IFFO2: variants seen among roughly 807,000 people sequenced by gnomAD.
IFFO2 encodes the protein intermediate filament family orphan 2.
A neutral mutation model predicts 53.5 loss-of-function variants in IFFO2; 19 were observed. That is an observed-to-expected ratio of 0.36 (90% CI 0.25 to 0.52). The LOEUF (loss-of-function observed/expected upper bound fraction) is 0.52, where lower values mean the gene tolerates loss of function less well. Among genes scored for constraint, IFFO2 ranks in the 20% least tolerant of loss-of-function variants. The pLI, the probability that IFFO2 is intolerant of heterozygous loss-of-function variation, is 0.94. For missense variants in IFFO2, 570 were observed against 727.4 expected (o/e 0.78, Z 2.49); for synonymous variants, 303 against 313.6 (o/e 0.97, Z 0.36).
At chr1:18,927,432 C>T (rs1020705650) in intron 1 of IFFO2, among the ~76,000 whole-genome samples, 5 of 152,218 alleles carry the variant, frequency 3.3e-5, no homozygotes, top group African/African-American at 9.6e-5. Flanking sequence ...GCTTCCTTCC[C>T]GGCGGGTGGA....
intron 1 of IFFO2, among the ~76,000 whole-genome samples, chr1:18,949,151 C>T (rs1164028312): frequency 6.6e-6 from 1 of 152,236 alleles, no homozygotes; most frequent in Non-Finnish European, 1.5e-5. Flanking sequence ...TCTGTGTTGT[C>T]CGTCTTCTGT....
chr1:18,908,178 C>T lies in IFFO2; in HGVS notation c.*383G>A, dbSNP rs975427901. ...GGCAGAAACCACATTACACCACGGC[C>T]GGTTGGCCCGGCCCTCAGCTTAGAG... On this transcript the variant is annotated 3_prime_UTR_variant, in exon 9 of 9. Transcript: ENST00000455833. 1.3e-5 allele frequency: 3 copies of T among 230,570 alleles called. No homozygotes were observed. The highest frequency in any genetic ancestry group is 2.7e-5 in the Non-Finnish European group (3 of 112,454). The allele number at this position is 230,570 out of a possible 1,614,324, so 14.3% of individuals were successfully genotyped here. A position where few individuals can be genotyped will look rare whatever the true frequency, so the allele number is the denominator to read the frequency against.
At position 18,919,804 on chromosome 1, in the gene IFFO2, G is replaced by A. The variant is rs749955252; in HGVS notation, c.727-31C>T. Reference sequence around the variant, plus strand: ...GGGACGGAGATGGGGAGGCTTCAGAGGGGCCGGGTCCTCTGGGGATAGGAG... The same window carrying A: ...GGGACGGAGATGGGGAGGCTTCAGAAGGGCCGGGTCCTCTGGGGATAGGAG... On this transcript the variant is annotated intron_variant, in intron 2 of 8. Transcript: ENST00000455833. This position sits in a 1 kb window ranked among gnomAD's most constrained non-coding sequence, Gnocchi z 4.9. 4 of 1,476,808 alleles carry A rather than the reference G, an allele frequency of 2.7e-6. No individual in the cohort carries two copies. Among genetic ancestry groups the A allele is most frequent in the African/African-American group, 1.4e-5 (1 of 71,524 alleles). 91.5% of individuals were successfully genotyped at this position (1,476,808 alleles called of 1,614,324 possible). A position where few individuals can be genotyped will look rare whatever the true frequency, so the allele number is the denominator to read the frequency against.
chr1:18,942,620 C>T (rs1043294553), intron 1 of IFFO2, among the ~76,000 whole-genome samples: 4 of 152,186 alleles, frequency 2.6e-5, no homozygotes, highest in African/African-American at 4.8e-5. Context: ...GCCCAAATCA[C>T]GGGCCAACAG....
intron 8 of IFFO2, 66 bp downstream of exon 8, chr1:18,910,276 T>A: frequency 6.5e-7 from 1 of 1,540,048 alleles, no homozygotes; most frequent in Non-Finnish European, 8.8e-7. Flanking sequence ...CATGGCCGAG[T>A]TGCAGCCTTG....
At chr1:18,929,155 T>C (rs889224273) in intron 1 of IFFO2, among the ~76,000 whole-genome samples, 2 of 152,238 alleles carry the variant, frequency 1.3e-5, no homozygotes, top group Non-Finnish European at 2.9e-5. Context: ...CATCTGCCTC[T>C]GTGTGATCCC....
chr1:18,923,009 T>A (rs1936236035), intron 1 of IFFO2, among the ~76,000 whole-genome samples: 1 of 152,058 alleles, frequency 6.6e-6, no homozygotes, highest in Non-Finnish European at 1.5e-5. Context: ...GGAGCACAGG[T>A]CCCGAGCTGA....
At chr1:18,910,611 C>A (rs1936022305) in intron 7 of IFFO2, 139 bp from the exon 8 acceptor site, 1 of 953,412 alleles carries the variant, frequency 1.0e-6, no homozygotes, top group Non-Finnish European at 1.6e-6. Context: ...GACCCTGCCT[C>A]CGGACATCAA....
chr1:18,933,861 A>G (rs1936410787), intron 1 of IFFO2, among the ~76,000 whole-genome samples: 1 of 152,082 alleles, frequency 6.6e-6, no homozygotes, highest in Admixed American at 6.6e-5. Flanking sequence ...CATCACCTCC[A>G]TCCATCTCCA....
intron 1 of IFFO2, among the ~76,000 whole-genome samples, chr1:18,939,374 C>G (rs1475720186): frequency 6.6e-6 from 1 of 152,230 alleles, no homozygotes; most frequent in Non-Finnish European, 1.5e-5. Context: ...ATAGAAACAG[C>G]ATTGCCACAT....
intron 1 of IFFO2, among the ~76,000 whole-genome samples, chr1:18,940,599 G>GGAGA (rs1315219414): frequency 1.3e-5 from 2 of 151,772 alleles, no homozygotes; most frequent in African/African-American, 4.8e-5. Context: ...ATGGATGGAT[G>GGAGA]GATGGATGGA....
Position 18,956,276 on chromosome 1 carries a change from G to A in IFFO2, c.57C>T (p.Gly19=), listed in dbSNP as rs1033481548. ...CGCCAGGGCAGCCCCCGCCGCCGCC[G>A]CCCGGCGGGCAGCCGAAGGCCAAGG... The part of the protein sequence containing the change: ...EMALAFGCPP[G]GGGGGCPGGG... Residue 19 remains glycine (G), a synonymous_variant, in exon 1 of 9, where the codon GGC becomes GGT. Transcript: ENST00000455833. The surrounding 1 kb of genome is among the most constrained non-coding windows in gnomAD (Gnocchi z 6.4). The A allele has an allele frequency of 5.0e-6, 4 of 796,296 alleles. No homozygotes were observed. The highest frequency in any genetic ancestry group is 6.3e-6 in the Non-Finnish European group (4 of 635,630). 49.3% of individuals were successfully genotyped at this position (796,296 alleles called of 1,614,324 possible).
chr1:18,938,631 G>A (rs1196524183), intron 1 of IFFO2, among the ~76,000 whole-genome samples: 1 of 152,186 alleles, frequency 6.6e-6, no homozygotes, highest in African/African-American at 2.4e-5. Context: ...GTGGCCTTGA[G>A]CCCATCCCTG....
chr1:18,956,057 G>A lies in IFFO2; in HGVS notation c.276C>T (p.Arg92=). 6.8e-7 allele frequency: 1 copy of A among 1,476,786 alleles called. No individual in the cohort carries two copies. The highest frequency in any genetic ancestry group is 9.1e-7 in the Non-Finnish European group (1 of 1,101,560). The allele number at this position is 1,476,786 out of a possible 1,614,324, so 91.5% of individuals were successfully genotyped here. Residue 92 remains arginine (R), a synonymous_variant, in exon 1 of 9, where the codon CGC becomes CGT. Transcript: ENST00000455833. This position sits in a 1 kb window ranked among gnomAD's most constrained non-coding sequence, Gnocchi z 6.4. ...EKQLEQQQSE[R]ERRLRYKTFS... ...AGGTCTTGTAGCGCAGCCGCCGCTC[G>A]CGCTCGCTCTGCTGCTGCTCCAGCT...
At chr1:18,925,844 A>T (rs370372176) in intron 1 of IFFO2, among the ~76,000 whole-genome samples, 22 of 58,020 alleles carry the variant, frequency 3.8e-4, no homozygotes, top group Admixed American at 1.0e-3. Context: ...GGATGGATGG[A>T]TGGATGGATT....
rs1449472726 is a variant in IFFO2 at position 18,916,227 on chromosome 1, CTGTATCTCA to C, written c.1103+667_1103+675del. Among the ~76,000 whole-genome samples, 2 of 152,186 alleles carry C rather than the reference CTGTATCTCA, an allele frequency of 1.3e-5. No individual in the cohort carries two copies. The highest frequency in any genetic ancestry group is 4.8e-5 in the African/African-American group (2 of 41,440). On this transcript the variant is annotated intron_variant, in intron 5 of 8. Coordinates refer to ENST00000455833, the MANE Select transcript of IFFO2 (RefSeq NM_001136265.2). The surrounding 1 kb of genome is among the most constrained non-coding windows in gnomAD (Gnocchi z 4.3). ...GTCCAGAGAGAGGACAGCCCAGCCC[CTGTATCTCA>C]TGGGCAAGAACACCCCTTCTCCCAC...
intron 1 of IFFO2, among the ~76,000 whole-genome samples, chr1:18,922,041 T>TA (rs996340125): frequency 3.9e-5 from 6 of 152,076 alleles, no homozygotes; most frequent in African/African-American, 1.2e-4. Context: ...ACCTATGACG[T>TA]AGGCACCGTC....
intron 1 of IFFO2, among the ~76,000 whole-genome samples, chr1:18,944,017 CAAGGGTTTAAGGGGAGT>C (rs539945768): frequency 9.7e-4 from 147 of 152,296 alleles, no homozygotes; most frequent in African/African-American, 3.4e-3. Flanking sequence ...GCCCTGAGCT[CAAGGGTTTAAGGGGAGT>C]CCTGTGGAGG....
At chr1:18,910,268 T>C in intron 8 of IFFO2, 74 bp downstream of exon 8, 2 of 1,519,872 alleles carry the variant, frequency 1.3e-6, no homozygotes, top group South Asian at 1.2e-5. Flanking sequence ...GCATGACACA[T>C]GGCCGAGTTG....
Sources: gnomAD v4.1 joint callset for allele counts (sites outside exome capture counted in the v4.1 genomes callset) on GRCh38, gnomAD v4.1.1 for gene constraint, Gnocchi (gnomAD v3.1) non-coding constraint, MANE v1.5 for transcripts, NCBI Gene and HGNC (gene_info 2026-07-23, HGNC 2026-07-21) for gene names.